The following SOX5 variants were observed in gnomAD, a reference collection of about 807,000 sequenced individuals.
The protein encoded by SOX5 is SRY-box transcription factor 5.
A neutral mutation model predicts 92.0 loss-of-function variants in SOX5; 9 were observed. The ratio of observed to expected loss-of-function variants is 0.10; its 90% CI spans 0.06 to 0.17. The LOEUF is 0.17. Ranked by LOEUF, SOX5 falls within the 10% of genes least tolerant of loss-of-function variation. The pLI, the probability that SOX5 is intolerant of heterozygous loss-of-function variation, is 1.00. For synonymous variants in SOX5, 344 were observed against 336.3 expected, an observed-to-expected ratio of 1.02 and a Z score of -0.25; for missense variants, 642 against 944.5, an observed-to-expected ratio of 0.68 and a Z score of 4.20.
chr12:23,869,730 C>G (rs1339464943), intron 2 of SOX5, among the ~76,000 whole-genome samples: 2 of 152,120 alleles, frequency 1.3e-5, no homozygotes, highest in Non-Finnish European at 2.9e-5. Context: ...AGAAGTAGCT[C>G]AGACCACATT....
chr12:24,445,108 G>C (rs970555213), intron 1 of SOX5, among the ~76,000 whole-genome samples: 1 of 152,192 alleles, frequency 6.6e-6, no homozygotes, highest in Admixed American at 6.5e-5. Flanking sequence ...GTAACAGACA[G>C]ACAGTCACAA....
chr12:23,641,126 A>G (rs906640866), intron 7 of SOX5, among the ~76,000 whole-genome samples: 3 of 152,108 alleles, frequency 2.0e-5, no homozygotes, highest in African/African-American at 7.2e-5. Context: ...TCCTTTTTTC[A>G]TGATGTATTT....
At chr12:23,803,613 C>A (rs1472082319) in intron 3 of SOX5, among the ~76,000 whole-genome samples, 1 of 152,038 alleles carries the variant, frequency 6.6e-6, no homozygotes, top group Non-Finnish European at 1.5e-5. Context: ...CTGTATTAGC[C>A]TAGGAACACA....
At chr12:23,667,931 C>G (rs900585672) in intron 6 of SOX5, among the ~76,000 whole-genome samples, 1 of 152,204 alleles carries the variant, frequency 6.6e-6, no homozygotes, top group African/African-American at 2.4e-5. Flanking sequence ...TTCGTGGATT[C>G]TGTATTTGCA....
intron 3 of SOX5, among the ~76,000 whole-genome samples, chr12:23,819,398 G>C (rs972503035): frequency 6.6e-6 from 1 of 152,098 alleles, no homozygotes; most frequent in African/African-American, 2.4e-5. Context: ...GATTAAGAGT[G>C]AAAAAATTGC....
At position 23,741,031 on chromosome 12, in the gene SOX5, C is replaced by T. The variant is rs200511462; in HGVS notation, c.577G>A (p.Glu193Lys). 8 of 1,592,070 alleles carry T rather than the reference C, an allele frequency of 5.0e-6. No individual in the cohort carries two copies. Among genetic ancestry groups the T allele is most frequent in the African/African-American group, 1.4e-5 (1 of 73,944 alleles). The change falls in exon 5 of 15, where the codon GAG becomes AAG. Residue 193 changes from glutamate (E) to lysine (K), a missense_variant. Glu to Lys is a moderately conservative substitution (Grantham distance 56). Coordinates refer to ENST00000451604, the MANE Select transcript of SOX5 (RefSeq NM_006940.6). Reference protein sequence around the residue: ...GNFGEIKGTPESLAEKERQLM... With the variant: ...GNFGEIKGTPKSLAEKERQLM... ...TGCCTTTCTTTCTCAGCTAAGCTCT[C>T]GGGAGTCCCTACAAATCATATAGCA...
At chr12:23,548,532 A>T (rs1473983655) in intron 11 of SOX5, among the ~76,000 whole-genome samples, 1 of 152,052 alleles carries the variant, frequency 6.6e-6, no homozygotes, top group Non-Finnish European at 1.5e-5. Flanking sequence ...AAGCTAACAG[A>T]CATGAGAACA....
intron 4 of SOX5, among the ~76,000 whole-genome samples, chr12:24,160,484 A>T (rs1229918127): frequency 1.3e-5 from 2 of 151,976 alleles, no homozygotes; most frequent in Non-Finnish European, 2.9e-5. Context: ...CAATGAAGTG[A>T]CAGAATCAAC....
intron 4 of SOX5, among the ~76,000 whole-genome samples, chr12:23,976,804 T>A (rs547448126): frequency 6.6e-6 from 1 of 152,230 alleles, no homozygotes; most frequent in South Asian, 2.1e-4. Flanking sequence ...ACTTGTTTTT[T>A]TCTGTTGTTG....
chr12:23,652,517 G>GTTTTTTTTTTTTT (rs3030242), intron 7 of SOX5, among the ~76,000 whole-genome samples: 9 of 140,072 alleles, frequency 6.4e-5, no homozygotes, highest in African/African-American at 2.4e-4. Context: ...CTCTTCTACT[G>GTTTTTTTTTTTTT]TTTTTTTTTT....
chr12:23,931,393 G>A (rs1941365116), intron 1 of SOX5, among the ~76,000 whole-genome samples: 1 of 151,756 alleles, frequency 6.6e-6, no homozygotes, highest in African/African-American at 2.4e-5. Context: ...CCAGTGAAAT[G>A]TATAGCCAAG....
chr12:24,059,824 G>A (rs1470315117), intron 4 of SOX5, among the ~76,000 whole-genome samples: 1 of 152,174 alleles, frequency 6.6e-6, no homozygotes, highest in African/African-American at 2.4e-5. Context: ...CATCGTTAAT[G>A]GAAGATTCCA....
At chr12:23,874,561 T>TA (rs2096907447) in intron 2 of SOX5, among the ~76,000 whole-genome samples, 1 of 152,188 alleles carries the variant, frequency 6.6e-6, no homozygotes. Context: ...TGTCATGTAA[T>TA]AGAGACATCG....
intron 2 of SOX5, among the ~76,000 whole-genome samples, chr12:24,336,572 A>G (rs1951928688): frequency 1.3e-5 from 2 of 152,226 alleles, no homozygotes; most frequent in African/African-American, 2.4e-5. Context: ...CATATCATTC[A>G]GGTGCAACTG....
At chr12:23,647,870 C>T (rs551768107) in intron 7 of SOX5, among the ~76,000 whole-genome samples, 22 of 152,224 alleles carry the variant, frequency 1.4e-4, no homozygotes, top group Non-Finnish European at 2.4e-4. Flanking sequence ...TGCAACTCAA[C>T]AATAAGGCTG....
chr12:24,277,418 A>G (rs933430832), intron 2 of SOX5: 5 of 148,688 alleles, frequency 3.4e-5, no homozygotes, highest in Non-Finnish European at 5.9e-5. Context: ...AAAGAAATTT[A>G]TATTTATATA....
chr12:24,287,818 A>G (rs1345047501), intron 2 of SOX5, among the ~76,000 whole-genome samples: 2 of 152,046 alleles, frequency 1.3e-5, no homozygotes, highest in Non-Finnish European at 2.9e-5. Flanking sequence ...TTACAAAGAA[A>G]AAACTCAGAA....
intron 11 of SOX5, among the ~76,000 whole-genome samples, chr12:23,561,414 C>G (rs1016705081): frequency 6.6e-6 from 1 of 152,064 alleles, no homozygotes; most frequent in Non-Finnish European, 1.5e-5. Flanking sequence ...TCACTGAAGC[C>G]AGCATAAAGT....
intron 2 of SOX5, among the ~76,000 whole-genome samples, chr12:24,296,770 TCA>T (rs1284296558): frequency 6.7e-6 from 1 of 150,220 alleles, no homozygotes; most frequent in Non-Finnish European, 1.5e-5. Context: ...CATTATCACT[TCA>T]CAGTTATCTA....
Sources: gnomAD v4.1 joint callset for allele counts (sites outside exome capture counted in the v4.1 genomes callset) on GRCh38, gnomAD v4.1.1 for gene constraint, MANE v1.5 for transcripts, NCBI Gene and HGNC (gene_info 2026-07-23, HGNC 2026-07-21) for gene names.